PTPRM: variants seen among roughly 807,000 people sequenced by gnomAD.
PTPRM encodes the protein protein tyrosine phosphatase receptor type M.
A neutral mutation model predicts 186.7 loss-of-function variants in PTPRM; 47 were observed. The observed-to-expected ratio is 0.25, with a 90% CI of 0.20 to 0.32. PTPRM has a LOEUF of 0.32. PTPRM is among the 10% of genes least tolerant of loss of function. The pLI is 1.00. For synonymous variants in PTPRM, 668 were observed against 674.9 expected (o/e 0.99, Z 0.16); for missense variants, 1,494 against 1,865.0 (o/e 0.80, Z 3.66).
At chr18:8,231,903 G>T (rs2094291425) in intron 14 of PTPRM, among the ~76,000 whole-genome samples, 1 of 152,102 alleles carries the variant, frequency 6.6e-6, no homozygotes, top group African/African-American at 2.4e-5. Context: ...CATAATCCGT[G>T]AGGCTCTATT....
At chr18:7,953,804 G>A (rs562763064) in intron 6 of PTPRM, among the ~76,000 whole-genome samples, 2 of 152,260 alleles carry the variant, frequency 1.3e-5, no homozygotes, top group East Asian at 1.9e-4. Flanking sequence ...GGCTGTGATC[G>A]ATTAGCTATG....
chr18:7,802,888 C>T (rs1328226329), intron 2 of PTPRM, among the ~76,000 whole-genome samples: 1 of 152,106 alleles, frequency 6.6e-6, no homozygotes, highest in Non-Finnish European at 1.5e-5. Context: ...AGGGAAGTTA[C>T]AGTTTACTGG....
chr18:7,778,692 C>A (rs2042710979), intron 2 of PTPRM, among the ~76,000 whole-genome samples: 1 of 152,086 alleles, frequency 6.6e-6, no homozygotes, highest in African/African-American at 2.4e-5. Flanking sequence ...GTTGGCCAGG[C>A]TGGTCTCGAC....
intron 13 of PTPRM, among the ~76,000 whole-genome samples, chr18:8,132,786 G>A (rs547493014): frequency 1.7e-4 from 26 of 152,194 alleles, no homozygotes; most frequent in African/African-American, 2.4e-4. Context: ...ATTTCACAGC[G>A]TTGAGTGCTG....
chr18:7,954,710 A>T (rs1462824225), intron 6 of PTPRM, among the ~76,000 whole-genome samples: 1 of 152,128 alleles, frequency 6.6e-6, no homozygotes, highest in African/African-American at 2.4e-5. Flanking sequence ...TGTGTAACTG[A>T]CTCACTGTAA....
chr18:7,650,962 T>G (rs1415630952), intron 1 of PTPRM, among the ~76,000 whole-genome samples: 6 of 151,008 alleles, frequency 4.0e-5, no homozygotes, highest in Non-Finnish European at 8.8e-5. Context: ...GACAGTGTCT[T>G]GCACTGTTGC....
At chr18:8,398,084 C>T in intron 32 of PTPRM, among the ~76,000 whole-genome samples, 1 of 152,312 alleles carries the variant, frequency 6.6e-6, no homozygotes, top group East Asian at 1.9e-4. Context: ...GCCATCCTCC[C>T]ACCTCAGCCT....
chr18:7,967,283 A>G (rs1330842400), intron 7 of PTPRM, among the ~76,000 whole-genome samples: 1 of 9,234 alleles, frequency 1.1e-4, no homozygotes, highest in East Asian at 1.2e-3. Context: ...CAGAAAGGAC[A>G]TCCACACCGA....
At chr18:7,937,347 C>T (rs778732952) in intron 5 of PTPRM, among the ~76,000 whole-genome samples, 8 of 152,212 alleles carry the variant, frequency 5.3e-5, no homozygotes, top group African/African-American at 9.6e-5. Context: ...GGTGCCACCA[C>T]GTTCCCCATT....
chr18:8,115,397 G>A (rs1471577281), intron 13 of PTPRM, among the ~76,000 whole-genome samples: 1 of 152,136 alleles, frequency 6.6e-6, no homozygotes, highest in Non-Finnish European at 1.5e-5. Context: ...GCAAAAGTGG[G>A]TAGGGCGAGT....
chr18:7,934,338 A>G (rs370207850), intron 5 of PTPRM, among the ~76,000 whole-genome samples: 2 of 152,188 alleles, frequency 1.3e-5, no homozygotes, highest in East Asian at 3.9e-4. Flanking sequence ...TGAGAGTTTG[A>G]CATATAATTC....
intron 1 of PTPRM, among the ~76,000 whole-genome samples, chr18:7,727,619 A>G (rs1362247435): frequency 3.3e-5 from 5 of 152,212 alleles, no homozygotes; most frequent in Non-Finnish European, 7.3e-5. Flanking sequence ...TGTTTTGCAG[A>G]CATAAAAGTT....
chr18:8,098,140 G>T (rs561613), intron 11 of PTPRM, among the ~76,000 whole-genome samples: 5,059 of 151,954 alleles, frequency 0.033, 284 homozygotes, highest in African/African-American at 0.12. Context: ...TAAGTGCACC[G>T]TATGATGTTT....
chr18:8,032,854 C>G (rs1050916110), intron 7 of PTPRM, among the ~76,000 whole-genome samples: 7 of 151,964 alleles, frequency 4.6e-5, no homozygotes, highest in Non-Finnish European at 8.8e-5. Flanking sequence ...AAAAAAAATA[C>G]AGTTAGATTA....
At chr18:7,747,946 T>G (rs1735101917) in intron 1 of PTPRM, among the ~76,000 whole-genome samples, 1 of 152,210 alleles carries the variant, frequency 6.6e-6, no homozygotes. Flanking sequence ...ATTTGAGGAT[T>G]ATCTCTGTGG....
intron 4 of PTPRM, among the ~76,000 whole-genome samples, chr18:7,925,736 T>C (rs1191802294): frequency 6.6e-6 from 1 of 152,222 alleles, no homozygotes; most frequent in East Asian, 1.9e-4. Flanking sequence ...TCTTTCACTC[T>C]ATCATTGTTA....
At chr18:7,977,737 A>C (rs7240054) in intron 7 of PTPRM, among the ~76,000 whole-genome samples, 83,639 of 151,872 alleles carry the variant, frequency 0.55, 23,345 homozygotes, top group African/African-American at 0.64. Context: ...GCAAGGGGAA[A>C]CAACAAGAAC....
chr18:8,223,607 G>A (rs114590312), intron 14 of PTPRM, among the ~76,000 whole-genome samples: 129 of 152,228 alleles, frequency 8.5e-4, no homozygotes, highest in African/African-American at 2.6e-3. Flanking sequence ...AGCCACCAGC[G>A]CAGTCCAAAG....
Position 8,368,643 on chromosome 18 carries a change from A to C in PTPRM, c.3055-2247A>C, listed in dbSNP as rs1229174087. Among the ~76,000 whole-genome samples the C allele has an allele frequency of 3.3e-5, 5 of 152,210 alleles. No homozygotes were observed. In the East Asian group the frequency reaches 7.7e-4, roughly 23 times the overall value. On this transcript the variant is annotated intron_variant, in intron 23 of 32. Transcript: ENST00000580170. ...AGAAAGTTTCACAAGGAGGCAGCTG[A>C]AATAACCAGCCACATAGCTCATGGG...
Sources: allele counts gnomAD v4.1 joint callset (sites outside exome capture counted in the v4.1 genomes callset), GRCh38; gene constraint gnomAD v4.1.1; transcripts MANE v1.5; gene names NCBI Gene and HGNC (gene_info 2026-07-23, HGNC 2026-07-21).